Variants in RASEF observed in about 807,000 individuals in gnomAD.
RASEF encodes ras and EF-hand domain-containing protein.
In RASEF, 68 loss-of-function variants were observed where a neutral mutation model predicts 90.1. The ratio of observed to expected loss-of-function variants is 0.75; its 90% CI spans 0.62 to 0.92. The LOEUF is 0.92. Among genes scored for constraint, RASEF ranks in the 40% least tolerant of loss-of-function variants. RASEF has a pLI of 0.00. For synonymous variants in RASEF, 331 were observed against 345.2 expected (o/e 0.96, Z 0.46); for missense variants, 949 against 937.2 (o/e 1.01, Z -0.16).
chr9:83,012,700 A>G (rs1330950274), intron 4 of RASEF, among the ~76,000 whole-genome samples, 189 bp from the exon 5 acceptor site: 1 of 152,254 alleles, frequency 6.6e-6, no homozygotes, highest in Non-Finnish European at 1.5e-5. Context: ...AATAATTTAA[A>G]CATTTGAAAA....
rs202043132 is a variant in RASEF at position 82,982,771 on chromosome 9, T to C, written c.2129A>G (p.Lys710Arg). ...TCTGCTGTCATCCTTGTCAGTTCTCTTTTTCACTTCTCTGAGACAGAGATA... is the reference window on the plus strand; with the variant it reads ...TCTGCTGTCATCCTTGTCAGTTCTCCTTTTCACTTCTCTGAGACAGAGATA... ...AVLHLAREVK[K>R]RTDKDDSRSI... The change falls in exon 17 of 17, where the codon AAG becomes AGG. Residue 710 changes from lysine to arginine, a missense_variant. Coordinates refer to ENST00000376447, the MANE Select transcript of RASEF (RefSeq NM_152573.4). The C allele has an allele frequency of 6.3e-6, 10 of 1,588,772 alleles. No homozygotes were observed. The highest frequency in any genetic ancestry group is 2.2e-5 in the East Asian group (1 of 44,628).
At chr9:83,183,210 A>T in the RASEF span, among the ~76,000 whole-genome samples, 2 of 36,108 alleles carry the variant, frequency 5.5e-5, no homozygotes, top group African/African-American at 3.2e-4. Flanking sequence ...AAAAGAAAAA[A>T]ACATAAAAGG....
At chr9:83,168,783 A>C in the RASEF span, among the ~76,000 whole-genome samples, 2 of 152,126 alleles carry the variant, frequency 1.3e-5, no homozygotes, top group Non-Finnish European at 2.9e-5. Flanking sequence ...CCCCAGTTAA[A>C]ATGGCTATTA....
chr9:83,008,406 C>A (rs981414480), intron 6 of RASEF, among the ~76,000 whole-genome samples: 11 of 152,088 alleles, frequency 7.2e-5, no homozygotes, highest in African/African-American at 2.6e-4. Context: ...TCTTTCTGCC[C>A]TGTGGTCTGA....
intron 13 of RASEF, among the ~76,000 whole-genome samples, chr9:82,997,946 G>A (rs1254373814): frequency 6.6e-6 from 1 of 152,166 alleles, no homozygotes; most frequent in African/African-American, 2.4e-5. Context: ...AAGGTAAAGT[G>A]CCATCACCAA....
At chr9:83,129,990 T>C in the RASEF span, among the ~76,000 whole-genome samples, 3 of 152,242 alleles carry the variant, frequency 2.0e-5, no homozygotes, top group Non-Finnish European at 4.4e-5. Flanking sequence ...TTCCAAGGCA[T>C]GGTGTGACCA....
the RASEF span, among the ~76,000 whole-genome samples, chr9:83,077,109 A>G: frequency 6.6e-6 from 1 of 152,212 alleles, no homozygotes; most frequent in Non-Finnish European, 1.5e-5. Flanking sequence ...AATGATTGCT[A>G]CAATTCTGTG....
the RASEF span, among the ~76,000 whole-genome samples, chr9:83,187,051 TAAC>T: frequency 6.6e-6 from 1 of 152,080 alleles, no homozygotes; most frequent in Non-Finnish European, 1.5e-5. Context: ...AGGCACCAGG[TAAC>T]TAGAGACCAT....
the RASEF span, among the ~76,000 whole-genome samples, chr9:83,070,953 A>T: frequency 6.6e-6 from 1 of 152,210 alleles, no homozygotes; most frequent in Non-Finnish European, 1.5e-5. Context: ...GTTGATTTTT[A>T]TAATGATGAA....
At chr9:83,156,158 C>A in the RASEF span, among the ~76,000 whole-genome samples, 1 of 152,164 alleles carries the variant, frequency 6.6e-6, no homozygotes. Context: ...TTAGAAGAGG[C>A]CTGCCTTCTT....
the RASEF span, among the ~76,000 whole-genome samples, chr9:83,132,634 G>A: frequency 6.6e-6 from 1 of 152,190 alleles, no homozygotes; most frequent in South Asian, 2.1e-4. Flanking sequence ...TCCCCTTCAG[G>A]ATTTTTTCAG....
At chr9:83,154,067 G>A in the RASEF span, among the ~76,000 whole-genome samples, 1 of 152,188 alleles carries the variant, frequency 6.6e-6, no homozygotes, top group Admixed American at 6.5e-5. Flanking sequence ...ACTTGTCTGG[G>A]CGTTGGCAAA....
chr9:83,070,939 T>C, the RASEF span, among the ~76,000 whole-genome samples: 1 of 152,176 alleles, frequency 6.6e-6, no homozygotes, highest in Non-Finnish European at 1.5e-5. Flanking sequence ...TGTATAAAAA[T>C]TCAGTTGATT....
intron 16 of RASEF, 125 bp from the exon 17 acceptor site, chr9:82,982,907 G>A (rs569155268): frequency 9.1e-6 from 6 of 660,528 alleles, no homozygotes; most frequent in African/African-American, 1.8e-5. Context: ...GTGTCTGCAC[G>A]GCCTTATAGA....
chr9:83,177,862 T>C, the RASEF span, among the ~76,000 whole-genome samples: 2 of 152,016 alleles, frequency 1.3e-5, no homozygotes, highest in Admixed American at 6.6e-5. Context: ...TTTTTTCTAG[T>C]TCTTTCTCTC....
At chr9:83,177,104 T>C in the RASEF span, among the ~76,000 whole-genome samples, 2 of 152,138 alleles carry the variant, frequency 1.3e-5, no homozygotes, top group African/African-American at 2.4e-5. Flanking sequence ...TACAAGTATA[T>C]ACATATTGTT....
At chr9:83,068,880 C>T in the RASEF span, among the ~76,000 whole-genome samples, 5 of 152,196 alleles carry the variant, frequency 3.3e-5, no homozygotes, top group Non-Finnish European at 4.4e-5. Flanking sequence ...CAGAACATGA[C>T]AGGTTGTTGC....
chr9:83,054,495 C>G (rs1806771636), intron 1 of RASEF, among the ~76,000 whole-genome samples: 1 of 124,344 alleles, frequency 8.0e-6, no homozygotes, highest in Non-Finnish European at 1.6e-5. Flanking sequence ...TTTGAATGTC[C>G]TCCCGTAGCT....
In RASEF at chr9:83,024,446, T is replaced by C. The variant is rs1829503072; in HGVS notation, c.578+1329A>G. Among the ~76,000 whole-genome samples, 10 of 152,180 alleles carry C rather than the reference T, an allele frequency of 6.6e-5. 1 individual carries two copies. In the South Asian group the frequency reaches 2.1e-3, roughly 31 times the overall value. On this transcript the variant is annotated intron_variant, in intron 2 of 16. Transcript: ENST00000376447. ...GTATGTGTACCTATGTGTGTACCTA[T>C]GAGTTTGTCTGTTTTAATACTTATT...
Sources: allele counts gnomAD v4.1 joint callset (sites outside exome capture counted in the v4.1 genomes callset), GRCh38; gene constraint gnomAD v4.1.1; transcripts MANE v1.5; gene names NCBI Gene and HGNC (gene_info 2026-07-23, HGNC 2026-07-21).